LRRC56: variants seen among roughly 807,000 people sequenced by gnomAD.
LRRC56 encodes leucine-rich repeat-containing protein 56.
Under a neutral mutation model 47.8 loss-of-function variants are expected in LRRC56, and 41 were observed. The ratio of observed to expected loss-of-function variants is 0.86; its 90% confidence interval spans 0.67 to 1.11. The LOEUF is 1.11. LRRC56 is among the 50% of genes most tolerant of loss of function. The pLI is 0.00. For synonymous variants in LRRC56, 387 were observed against 311.2 expected (o/e 1.24, Z -2.56); for missense variants, 759 against 704.2 (o/e 1.08, Z -0.88).
Position 553,944 on chromosome 11 carries a change from C to G in LRRC56, c.1316-19C>G, listed in dbSNP as rs756159899. Reference sequence around the variant, plus strand: ...CCTGACAGCCTTTCTGACGTCCCATCACTCTGCTTGCTTTCTAGAGCCCTC... The same window carrying G: ...CCTGACAGCCTTTCTGACGTCCCATGACTCTGCTTGCTTTCTAGAGCCCTC... On this transcript the variant is annotated intron_variant, in intron 13 of 13. Transcript: ENST00000270115. 6.2e-7 allele frequency: 1 copy of G among 1,605,108 alleles called. No homozygotes were observed. Among genetic ancestry groups the G allele is most frequent in the Non-Finnish European group, 8.5e-7 (1 of 1,176,134 alleles).
At chr11:527,403 C>T in the LRRC56 span, among the ~76,000 whole-genome samples, 1 of 152,336 alleles carries the variant, frequency 6.6e-6, no homozygotes, top group Non-Finnish European at 1.5e-5. Context: ...AATCTGTTAT[C>T]AGTTGAACAG....
At chr11:548,274 G>T (rs1852189772) in intron 6 of LRRC56, among the ~76,000 whole-genome samples, 1 of 152,326 alleles carries the variant, frequency 6.6e-6, no homozygotes, top group East Asian at 1.9e-4. Flanking sequence ...GCCAAGAAAA[G>T]AGATTGACTT....
At chr11:534,849 G>A (rs1851361346), upstream of LRRC56, among the ~76,000 whole-genome samples, 1 of 152,210 alleles carries the variant, frequency 6.6e-6, no homozygotes, top group East Asian at 1.9e-4. Context: ...AGGCGCCGCC[G>A]AGGGGAGGGC....
chr11:518,704 G>A, the LRRC56 span, among the ~76,000 whole-genome samples: 1 of 152,186 alleles, frequency 6.6e-6, no homozygotes, highest in Admixed American at 6.5e-5. Context: ...ACACCAGCAG[G>A]TGGGGCAGGA....
intron 13 of LRRC56, among the ~76,000 whole-genome samples, chr11:553,232 A>T (rs1319590457): frequency 6.6e-6 from 1 of 152,240 alleles, no homozygotes; most frequent in African/African-American, 2.4e-5. Flanking sequence ...CTTCAGTGTG[A>T]TCACAGCTGC....
At chr11:535,143 G>C (rs1490879481), upstream of LRRC56, 1 of 152,072 alleles carries the variant, frequency 6.6e-6, no homozygotes, top group Admixed American at 6.5e-5. Flanking sequence ...GAGGCTCCCG[G>C]GTACGCCGGC....
At chr11:550,520 C>T (rs1852329145) in intron 8 of LRRC56, among the ~76,000 whole-genome samples, 1 of 152,198 alleles carries the variant, frequency 6.6e-6, no homozygotes, top group Non-Finnish European at 1.5e-5. Flanking sequence ...ACATATGCAC[C>T]TGTGAGGTCC....
chr11:516,582 G>C, the LRRC56 span, among the ~76,000 whole-genome samples: 3 of 152,062 alleles, frequency 2.0e-5, no homozygotes, highest in African/African-American at 7.2e-5. Context: ...TTTATCACAG[G>C]AATGCAAGGC....
At chr11:532,505 C>G in the LRRC56 span, 2 of 1,279,446 alleles carry the variant, frequency 1.6e-6, no homozygotes, top group South Asian at 1.3e-5. Flanking sequence ...TCCGGCACCT[C>G]CATGTCCTGA....
the LRRC56 span, among the ~76,000 whole-genome samples, chr11:522,449 G>C: frequency 6.6e-6 from 1 of 152,074 alleles, no homozygotes; most frequent in Admixed American, 6.6e-5. Flanking sequence ...GTATTTTTTA[G>C]TTGAGACGGG....
intron 6 of LRRC56, among the ~76,000 whole-genome samples, chr11:549,230 GA>G (rs1239253918): frequency 5.3e-5 from 8 of 152,226 alleles, no homozygotes; most frequent in East Asian, 1.9e-4. Flanking sequence ...GAAAGCCTGT[GA>G]GCTCAGGTGG....
chr11:536,068 G>A (rs991494672), upstream of LRRC56, among the ~76,000 whole-genome samples: 5 of 152,192 alleles, frequency 3.3e-5, no homozygotes, highest in Admixed American at 3.3e-4. Context: ...CTGCCCTTCC[G>A]CGCAGGTGGA....
chr11:554,302 T>A lies in LRRC56; in HGVS notation c.*26T>A, dbSNP rs371916422. 2.0e-6 allele frequency: 3 copies of A among 1,469,132 alleles called. No homozygotes were observed. The highest frequency in any genetic ancestry group is 2.8e-5 in the African/African-American group (2 of 70,252). The allele number at this position is 1,469,132 out of a possible 1,614,324, so 91.0% of individuals were successfully genotyped here. ...TATAGCCCCCACTGCCAGGCTTCCCTGTGCTGGGGCCACGACTTGCCCACA... is the reference window on the plus strand; with the variant it reads ...TATAGCCCCCACTGCCAGGCTTCCCAGTGCTGGGGCCACGACTTGCCCACA... On this transcript the variant is annotated 3_prime_UTR_variant, in exon 14 of 14. Coordinates refer to ENST00000270115, the MANE Select transcript of LRRC56 (RefSeq NM_198075.4).
chr11:514,139 G>C, the LRRC56 span, among the ~76,000 whole-genome samples: 1 of 151,764 alleles, frequency 6.6e-6, no homozygotes, highest in African/African-American at 2.4e-5. Context: ...CTACAAGCAC[G>C]CACCACCACA....
chr11:510,154 G>C, the LRRC56 span, among the ~76,000 whole-genome samples: 4 of 152,126 alleles, frequency 2.6e-5, no homozygotes, highest in African/African-American at 9.7e-5. Flanking sequence ...CCCCATGAAA[G>C]GGAATCCAGG....
upstream of LRRC56, chr11:534,643 A>C: frequency 2.2e-6 from 1 of 451,362 alleles, no homozygotes; most frequent in Non-Finnish European, 4.1e-6. Context: ...GCTCTCAACC[A>C]CGCACCCAAA....
chr11:531,652 G>A, the LRRC56 span, among the ~76,000 whole-genome samples: 22,000 of 152,176 alleles, frequency 0.14, 2,253 homozygotes, highest in African/African-American at 0.29. Flanking sequence ...TGCCAACCTC[G>A]TCCACTCCAG....
chr11:528,634 G>A, the LRRC56 span: 2 of 152,214 alleles, frequency 1.3e-5, no homozygotes, highest in African/African-American at 4.8e-5. Flanking sequence ...CGAGTGTGGT[G>A]CCTCCGCGGG....
the LRRC56 span, chr11:506,763 G>T: frequency 6.6e-6 from 1 of 152,324 alleles, no homozygotes; most frequent in Non-Finnish European, 1.5e-5. Flanking sequence ...TAGCTCGCTG[G>T]AATCTAAGGC....
Sources: allele counts gnomAD v4.1 joint callset (sites outside exome capture counted in the v4.1 genomes callset), GRCh38; gene constraint gnomAD v4.1.1; transcripts MANE v1.5; gene names NCBI Gene and HGNC (gene_info 2026-07-23, HGNC 2026-07-21).